The following AUTS2 variants were observed in gnomAD, a reference collection of about 807,000 sequenced individuals.
AUTS2 encodes the protein autism susceptibility gene 2 protein.
Under a neutral mutation model 112.4 loss-of-function variants are expected in AUTS2, and 17 were observed. The observed-to-expected ratio is 0.15, with a 90% CI of 0.10 to 0.23. AUTS2 has a LOEUF of 0.23. Ranked by LOEUF, AUTS2 falls within the 10% of genes least tolerant of loss-of-function variation. The pLI is 1.00. For synonymous variants in AUTS2, 751 were observed against 702.7 expected (o/e 1.07, Z -1.09); for missense variants, 1,510 against 1,701.6 (o/e 0.89, Z 1.98).
chr7:70,435,780 AG>A lies in AUTS2; in HGVS notation c.690+1del. 2 of 1,613,982 alleles carry A rather than the reference AG, an allele frequency of 1.2e-6. No individual in the cohort carries two copies. Among genetic ancestry groups the A allele is most frequent in the Non-Finnish European group, 1.7e-6 (2 of 1,179,876 alleles). ...GACAGTGACAGTGACCAGGAAGAGA[AG>A]GTAAGACCCCCCCTCCCCCATTGTG... ...FCDSDSDQEE[K>X]ASDASSEKLF... On this transcript the variant is annotated frameshift_variant and splice_region_variant, in exon 5 of 19. Transcript: ENST00000342771. LOFTEE classifies it high-confidence loss of function.
chr7:70,653,122 G>T (rs1174325628), intron 5 of AUTS2, among the ~76,000 whole-genome samples: 1 of 152,082 alleles, frequency 6.6e-6, no homozygotes, highest in African/African-American at 2.4e-5. Context: ...AGGCATGGTG[G>T]TACACACCTG....
At chr7:70,273,475 T>C (rs1417300852) in intron 4 of AUTS2, among the ~76,000 whole-genome samples, 1 of 151,452 alleles carries the variant, frequency 6.6e-6, no homozygotes, top group Non-Finnish European at 1.5e-5. Flanking sequence ...ATAGCTTTTA[T>C]TATTATTATT....
At position 70,778,604 on chromosome 7, in the gene AUTS2, G is replaced by A. The variant is rs985812184; in HGVS notation, c.2004+1430G>A. On this transcript the variant is annotated intron_variant, in intron 14 of 18. Transcript: ENST00000342771. ...AAAAAAGAGTAAAAAATAAAAACCCGGTTAAAAGTTTTAAGATGCAAACCT... is the reference window on the plus strand; with the variant it reads ...AAAAAAGAGTAAAAAATAAAAACCCAGTTAAAAGTTTTAAGATGCAAACCT... Among the ~76,000 whole-genome samples the A allele has an allele frequency of 2.8e-4, 43 of 151,506 alleles. 1 individual carries two copies. The highest frequency in any genetic ancestry group is 1.6e-3 in the Admixed American group (24 of 15,202).
At chr7:70,125,444 T>C (rs991757670) in intron 3 of AUTS2, among the ~76,000 whole-genome samples, 1 of 152,198 alleles carries the variant, frequency 6.6e-6, no homozygotes, top group Non-Finnish European at 1.5e-5. Context: ...ATTCCCTGCC[T>C]TGTGTGGGCT....
intron 2 of AUTS2, among the ~76,000 whole-genome samples, chr7:70,077,862 C>A (rs1240137378): frequency 1.3e-5 from 2 of 152,156 alleles, no homozygotes; most frequent in African/African-American, 2.4e-5. Flanking sequence ...AAATTAAACT[C>A]CAGACCCTGG....
intron 6 of AUTS2, among the ~76,000 whole-genome samples, chr7:70,754,608 T>C (rs1789073692): frequency 6.6e-6 from 1 of 152,270 alleles, no homozygotes; most frequent in South Asian, 2.1e-4. Context: ...CAGTCCCTTA[T>C]TAATGTTCGC....
intron 1 of AUTS2, among the ~76,000 whole-genome samples, chr7:69,661,453 C>T (rs1376097689): frequency 3.9e-5 from 6 of 152,106 alleles, no homozygotes; most frequent in Non-Finnish European, 8.8e-5. Context: ...TGCCTTCTCT[C>T]GGTCCTATAA....
intron 4 of AUTS2, among the ~76,000 whole-genome samples, chr7:70,399,697 GA>G (rs1415673917): frequency 6.6e-6 from 1 of 151,980 alleles, no homozygotes; most frequent in Non-Finnish European, 1.5e-5. Flanking sequence ...GTTCAGCAAT[GA>G]AGGTAATTAT....
At chr7:70,577,161 CAG>C (rs1351959629) in intron 5 of AUTS2, among the ~76,000 whole-genome samples, 10 of 152,180 alleles carry the variant, frequency 6.6e-5, no homozygotes, top group African/African-American at 2.4e-4. Flanking sequence ...ACTCTGATTG[CAG>C]AGTTACGAAT....
intron 5 of AUTS2, among the ~76,000 whole-genome samples, chr7:70,618,447 C>T (rs1174468528): frequency 3.9e-5 from 6 of 152,204 alleles, no homozygotes; most frequent in Non-Finnish European, 8.8e-5. Flanking sequence ...TTTATGCCTT[C>T]ATTCTCCTCT....
intron 4 of AUTS2, among the ~76,000 whole-genome samples, chr7:70,303,439 T>TAC (rs371608891): frequency 0.14 from 20,549 of 143,138 alleles, 1,500 homozygotes; most frequent in Admixed American, 0.19. Context: ...CGCGCGCACA[T>TAC]ACACACACAC....
chr7:70,402,130 G>A (rs1021376824), intron 4 of AUTS2, among the ~76,000 whole-genome samples: 2 of 152,264 alleles, frequency 1.3e-5, no homozygotes, highest in Non-Finnish European at 2.9e-5. Flanking sequence ...AAAATAGGAT[G>A]TTGTGTTTTG....
intron 4 of AUTS2, among the ~76,000 whole-genome samples, chr7:70,429,007 C>G (rs983321476): frequency 6.6e-5 from 10 of 152,168 alleles, no homozygotes; most frequent in African/African-American, 2.2e-4. Context: ...TTTTCTGAGC[C>G]TTTTAATGGA....
chr7:69,904,094 A>G (rs1795066771), intron 2 of AUTS2, among the ~76,000 whole-genome samples: 1 of 152,166 alleles, frequency 6.6e-6, no homozygotes, highest in South Asian at 2.1e-4. Flanking sequence ...ATGTATTGAC[A>G]TTGTACCTTG....
intron 4 of AUTS2, among the ~76,000 whole-genome samples, chr7:70,283,177 G>T (rs900869331): frequency 6.6e-6 from 1 of 152,164 alleles, no homozygotes; most frequent in African/African-American, 2.4e-5. Flanking sequence ...GTGCAAAGTG[G>T]CTTACATATG....
intron 4 of AUTS2, among the ~76,000 whole-genome samples, chr7:70,286,008 A>G (rs1283316570): frequency 1.3e-5 from 2 of 152,228 alleles, no homozygotes; most frequent in African/African-American, 2.4e-5. Flanking sequence ...GCTGATATCT[A>G]TTGGCTGAGT....
At chr7:69,669,613 C>T (rs1796221640) in intron 1 of AUTS2, among the ~76,000 whole-genome samples, 1 of 152,028 alleles carries the variant, frequency 6.6e-6, no homozygotes, top group Non-Finnish European at 1.5e-5. Context: ...TGGGACCCTT[C>T]TTTATGTAGT....
intron 1 of AUTS2, among the ~76,000 whole-genome samples, chr7:69,741,220 G>A (rs1371421558): frequency 6.6e-6 from 1 of 152,284 alleles, no homozygotes; most frequent in Middle Eastern, 3.4e-3. Flanking sequence ...TGTATGCAAT[G>A]TGGTGGTATT....
chr7:69,747,784 G>GGTGTGTGTGTGTGTGTGTGT (rs10695531), intron 1 of AUTS2, among the ~76,000 whole-genome samples: 2 of 144,500 alleles, frequency 1.4e-5, no homozygotes, highest in African/African-American at 5.2e-5. Context: ...GAAGGAGAGG[G>GGTGTGTGTGTGTGTGTGTGT]GTGTGTGTGT....
Sources: gnomAD v4.1 joint callset for allele counts (sites outside exome capture counted in the v4.1 genomes callset) on GRCh38, gnomAD v4.1.1 for gene constraint, MANE v1.5 for transcripts, NCBI Gene and HGNC (gene_info 2026-07-23, HGNC 2026-07-21) for gene names.